FRMD7: variants seen among roughly 807,000 people sequenced by gnomAD.
FRMD7 encodes the protein FERM domain-containing protein 7.
FRMD7 carries 14 observed loss-of-function variants against 44.1 expected under a neutral mutation model. The ratio of observed to expected loss-of-function variants is 0.32; its 90% CI spans 0.21 to 0.50. FRMD7 has a LOEUF of 0.50. FRMD7 is among the 20% of genes least tolerant of loss of function. The probability of loss-of-function intolerance (pLI) is 0.99; values close to 1 mark genes in which losing one functional copy is unlikely to be tolerated. For missense variants in FRMD7, 501 were observed against 522.3 expected, an observed-to-expected ratio of 0.96 and a Z score of 0.40; for synonymous variants, 212 against 187.4, an observed-to-expected ratio of 1.13 and a Z score of -1.07.
chrX:132,084,071 C>G (rs919337343), intron 8 of FRMD7, among the ~76,000 whole-genome samples: 1 of 111,914 alleles, frequency 8.9e-6, no homozygotes, highest in Middle Eastern at 4.6e-3. Flanking sequence ...CCACATCCTG[C>G]TTGTTTTTGG....
At chrX:132,121,206 G>T (rs752661075) in intron 1 of FRMD7, among the ~76,000 whole-genome samples, 1 of 111,494 alleles carries the variant, frequency 9.0e-6, no homozygotes, top group African/African-American at 3.3e-5. Flanking sequence ...CAGAAATCAC[G>T]CTTGAGTCAG....
intron 1 of FRMD7, among the ~76,000 whole-genome samples, chrX:132,118,079 T>C (rs1928946332): frequency 9.0e-6 from 1 of 111,153 alleles, no homozygotes; most frequent in African/African-American, 3.3e-5. Context: ...GTGGTAGTTC[T>C]TGCTTGGTAA....
chrX:132,103,497 TATC>T (rs1928563804), intron 1 of FRMD7, among the ~76,000 whole-genome samples: 1 of 107,945 alleles, frequency 9.3e-6, no homozygotes, highest in Admixed American at 1.0e-4. Flanking sequence ...TCTATCTATC[TATC>T]TATCTATCTA....
At chrX:132,081,203 C>T (rs750822491) in intron 9 of FRMD7, among the ~76,000 whole-genome samples, 3 of 111,182 alleles carry the variant, frequency 2.7e-5, no homozygotes, top group Non-Finnish European at 3.8e-5. Flanking sequence ...TGTGGTGGCC[C>T]GCGCCTGTAA....
chrX:132,100,463 C>CA, intron 2 of FRMD7, 149 bp downstream of exon 2: 1 of 486,271 alleles, frequency 2.1e-6, no homozygotes, highest in Non-Finnish European at 3.6e-6. Context: ...AGAGGGAGGA[C>CA]AAAAACTAGT....
intron 3 of FRMD7, 130 bp downstream of exon 3, chrX:132,099,338 G>T: frequency 1.9e-6 from 1 of 528,319 alleles, no homozygotes; most frequent in Non-Finnish European, 3.2e-6. Context: ...CTGGATGTAT[G>T]AAGGGTTGAA....
chrX:132,122,459 T>C (rs1187700248), intron 1 of FRMD7, among the ~76,000 whole-genome samples: 1 of 112,503 alleles, frequency 8.9e-6, no homozygotes, highest in East Asian at 2.8e-4. Context: ...TTCTGTTCTC[T>C]ATCTTGGTGA....
At chrX:132,081,373 A>AC (rs756544725) in intron 9 of FRMD7, among the ~76,000 whole-genome samples, 105 of 111,677 alleles carry the variant, frequency 9.4e-4, no homozygotes, top group South Asian at 7.0e-3. Flanking sequence ...ACAAAAAAAA[A>AC]CACAAGAATA....
chrX:132,086,652 A>T (rs1928000705), intron 5 of FRMD7, among the ~76,000 whole-genome samples: 1 of 101,579 alleles, frequency 9.8e-6, no homozygotes, highest in South Asian at 4.5e-4. Flanking sequence ...CCAAGGAGAA[A>T]GGCCTCAGGA....
Position 132,077,637 on chromosome X carries a change from G to T in FRMD7, c.*235C>A. The T allele has an allele frequency of 2.4e-6, 1 of 423,864 alleles. No homozygotes were observed. Among genetic ancestry groups the T allele is most frequent in the Non-Finnish European group, 4.1e-6 (1 of 245,845 alleles). 34.9% of individuals were successfully genotyped at this position (423,864 alleles called of 1,213,427 possible). A position where few individuals can be genotyped will look rare whatever the true frequency, so the allele number is the denominator to read the frequency against. On this transcript the variant is annotated 3_prime_UTR_variant, in exon 12 of 12. Transcript: ENST00000298542. ...AGATGACAAATACCCACCTTGCCTTGCCACAGTGCTGGTGAGGAGAGGGCA... is the reference window on the plus strand; with the variant it reads ...AGATGACAAATACCCACCTTGCCTTTCCACAGTGCTGGTGAGGAGAGGGCA...
intron 1 of FRMD7, among the ~76,000 whole-genome samples, chrX:132,123,461 T>G (rs1929084403): frequency 8.9e-6 from 1 of 112,181 alleles, no homozygotes; most frequent in African/African-American, 3.2e-5. Flanking sequence ...TTTCATATCA[T>G]TGAAGTTGGA....
chrX:132,108,964 T>C (rs1928713621), intron 1 of FRMD7, among the ~76,000 whole-genome samples: 1 of 111,901 alleles, frequency 8.9e-6, no homozygotes, highest in South Asian at 3.7e-4. Context: ...TAAACAAATG[T>C]AAATTGCCCA....
intron 5 of FRMD7, among the ~76,000 whole-genome samples, chrX:132,092,912 G>C (rs2124238853): frequency 8.9e-6 from 1 of 111,853 alleles, no homozygotes; most frequent in African/African-American, 3.3e-5. Context: ...CTATGTTTGG[G>C]CTATACTGGG....
intron 1 of FRMD7, among the ~76,000 whole-genome samples, chrX:132,101,694 C>T (rs777898355): frequency 8.9e-6 from 1 of 112,320 alleles, no homozygotes; most frequent in African/African-American, 3.2e-5. Flanking sequence ...ACCAAATCTG[C>T]ATACAGCATA....
chrX:132,090,022 T>A (rs1354747442), intron 5 of FRMD7, among the ~76,000 whole-genome samples: 1 of 112,403 alleles, frequency 8.9e-6, no homozygotes, highest in Non-Finnish European at 1.9e-5. Flanking sequence ...CCAATGCTTA[T>A]AGCATTATTC....
intron 4 of FRMD7, among the ~76,000 whole-genome samples, chrX:132,097,021 C>T (rs1928358139): frequency 9.0e-6 from 1 of 110,805 alleles, no homozygotes; most frequent in Admixed American, 9.7e-5. Flanking sequence ...ATGGCATAAC[C>T]CCCAAGTGGA....
chrX:132,096,708 C>A, intron 4 of FRMD7, among the ~76,000 whole-genome samples: 1 of 88,014 alleles, frequency 1.1e-5, no homozygotes. Context: ...CAGAGCAAGA[C>A]CCTGTCTCAA....
In FRMD7 at chrX:132,127,880, A is replaced by G; in HGVS notation, c.-36T>C. 2 of 1,133,797 alleles carry G rather than the reference A, an allele frequency of 1.8e-6. No homozygotes were observed. Among genetic ancestry groups the G allele is most frequent in the Non-Finnish European group, 2.4e-6 (2 of 824,507 alleles). 93.4% of individuals were successfully genotyped at this position (1,133,797 alleles called of 1,213,427 possible). A position where few individuals can be genotyped will look rare whatever the true frequency, so the allele number is the denominator to read the frequency against. Reference sequence around the variant, plus strand: ...GCCGTTGGGCTGCAAGCAGGCTCAGAGTGCTGTGGGTGCTTTCTCCAGGAA... The same window carrying G: ...GCCGTTGGGCTGCAAGCAGGCTCAGGGTGCTGTGGGTGCTTTCTCCAGGAA... On this transcript the variant is annotated 5_prime_UTR_variant, in exon 1 of 12. Transcript: ENST00000298542.
At chrX:132,116,775 C>T (rs749271714) in intron 1 of FRMD7, among the ~76,000 whole-genome samples, 3 of 111,629 alleles carry the variant, frequency 2.7e-5, no homozygotes, top group Non-Finnish European at 5.6e-5. Flanking sequence ...CACACGTTTA[C>T]CTATGTCACA....
Sources: allele counts gnomAD v4.1 joint callset (sites outside exome capture counted in the v4.1 genomes callset), GRCh38; gene constraint gnomAD v4.1.1; transcripts MANE v1.5; gene names NCBI Gene and HGNC (gene_info 2026-07-23, HGNC 2026-07-21).